Variants in AGBL4 observed in about 807,000 individuals in gnomAD.
AGBL4 encodes AGBL carboxypeptidase 4, also known as cytosolic carboxypeptidase 6.
AGBL4 carries 58 observed loss-of-function variants against 66.4 expected under a neutral mutation model. The ratio of observed to expected loss-of-function variants is 0.87; its 90% CI spans 0.71 to 1.09. The LOEUF (loss-of-function observed/expected upper bound fraction) is 1.09. Ranked by LOEUF, AGBL4 falls within the 50% of genes least tolerant of loss-of-function variation. The pLI is 0.00. For missense variants in AGBL4, 579 were observed against 631.0 expected, an observed-to-expected ratio of 0.92 and a Z score of 0.88; for synonymous variants, 234 against 222.9, an observed-to-expected ratio of 1.05 and a Z score of -0.44.
chr1:50,008,271 C>T (rs1243803407), intron 1 of AGBL4, among the ~76,000 whole-genome samples: 1 of 152,058 alleles, frequency 6.6e-6, no homozygotes, highest in Admixed American at 6.5e-5. Flanking sequence ...TATTAGGACA[C>T]AAAACAAGTC....
intron 4 of AGBL4, among the ~76,000 whole-genome samples, chr1:49,080,572 C>G (rs1644791613): frequency 6.6e-6 from 1 of 151,998 alleles, no homozygotes; most frequent in Non-Finnish European, 1.5e-5. Flanking sequence ...TGGATGTGCT[C>G]CATACAGGTC....
At chr1:49,028,611 A>G (rs996158248) in intron 5 of AGBL4, among the ~76,000 whole-genome samples, 1 of 152,178 alleles carries the variant, frequency 6.6e-6, no homozygotes. Context: ...AATTCCAATA[A>G]GATTAATAGC....
intron 11 of AGBL4, among the ~76,000 whole-genome samples, chr1:48,561,289 C>T (rs1005472689): frequency 2.0e-5 from 3 of 151,110 alleles, no homozygotes; most frequent in Non-Finnish European, 4.4e-5. Flanking sequence ...CTCTTCCTTC[C>T]TCTTCTCTCT....
At chr1:49,974,639 T>C (rs1272308865) in intron 1 of AGBL4, among the ~76,000 whole-genome samples, 1 of 152,158 alleles carries the variant, frequency 6.6e-6, no homozygotes, top group Non-Finnish European at 1.5e-5. Context: ...CTCAGGATGC[T>C]ATAGCATGTC....
At chr1:49,648,858 T>C (rs1269587343) in intron 3 of AGBL4, among the ~76,000 whole-genome samples, 1 of 151,934 alleles carries the variant, frequency 6.6e-6, no homozygotes, top group Non-Finnish European at 1.5e-5. Flanking sequence ...AAAGAAATTA[T>C]TTCAAGAGAA....
intron 3 of AGBL4, among the ~76,000 whole-genome samples, chr1:49,537,651 A>T (rs1167307): frequency 6.6e-6 from 1 of 152,064 alleles, no homozygotes; most frequent in Non-Finnish European, 1.5e-5. Flanking sequence ...CAGGCTGGGC[A>T]TGGTGGCTCA....
At chr1:49,845,481 T>G in intron 2 of AGBL4, 6 of 1,573,778 alleles carry the variant, frequency 3.8e-6, no homozygotes, top group Non-Finnish European at 5.2e-6. Context: ...GAATCCACAC[T>G]GGGGAGAAAC....
intron 1 of AGBL4, among the ~76,000 whole-genome samples, chr1:49,855,304 T>A (rs1325728650): frequency 6.6e-6 from 1 of 152,104 alleles, no homozygotes; most frequent in Non-Finnish European, 1.5e-5. Context: ...TAAACCCCAA[T>A]ACAATCATAG....
At chr1:49,433,745 T>C (rs976030733) in intron 3 of AGBL4, among the ~76,000 whole-genome samples, 2 of 152,182 alleles carry the variant, frequency 1.3e-5, no homozygotes, top group South Asian at 4.1e-4. Context: ...ATTTGGTATA[T>C]TGAAGCCTAA....
intron 6 of AGBL4, chr1:48,759,060 T>C (rs771604369): frequency 1.2e-6 from 2 of 1,613,660 alleles, no homozygotes; most frequent in Non-Finnish European, 1.7e-6. Context: ...GGCGCATCTC[T>C]TCCTGTTGCT....
chr1:49,130,453 C>T (rs975961476), intron 4 of AGBL4, among the ~76,000 whole-genome samples: 10 of 152,220 alleles, frequency 6.6e-5, no homozygotes, highest in Admixed American at 2.0e-4. Context: ...TTAGGTCTAA[C>T]GTTTAAGTCT....
chr1:49,321,382 C>T (rs1476308681), intron 3 of AGBL4, among the ~76,000 whole-genome samples: 3 of 151,968 alleles, frequency 2.0e-5, no homozygotes, highest in Non-Finnish European at 2.9e-5. Flanking sequence ...AATGAGATGC[C>T]CTTTTCTACT....
chr1:49,889,509 C>A (rs181838150), intron 1 of AGBL4, among the ~76,000 whole-genome samples: 6 of 152,146 alleles, frequency 3.9e-5, no homozygotes, highest in African/African-American at 1.4e-4. Context: ...ATAATCCCAG[C>A]TCTTTGGGAG....
chr1:49,349,602 T>G (rs564149417), intron 3 of AGBL4, among the ~76,000 whole-genome samples: 1 of 152,288 alleles, frequency 6.6e-6, no homozygotes, highest in African/African-American at 2.4e-5. Context: ...TTTGTAGCAC[T>G]TAACAGAATT....
At chr1:49,286,965 C>T (rs1340492129) in intron 3 of AGBL4, among the ~76,000 whole-genome samples, 3 of 152,106 alleles carry the variant, frequency 2.0e-5, no homozygotes, top group Non-Finnish European at 4.4e-5. Flanking sequence ...TCAAACTATA[C>T]TACAAGGCTA....
At chr1:49,285,770 G>C (rs1644391233) in intron 3 of AGBL4, among the ~76,000 whole-genome samples, 1 of 152,138 alleles carries the variant, frequency 6.6e-6, no homozygotes, top group Non-Finnish European at 1.5e-5. Context: ...AGAAAATCTA[G>C]AAGAAATGGA....
At chr1:49,354,716 A>C (rs1643983587) in intron 3 of AGBL4, among the ~76,000 whole-genome samples, 1 of 152,222 alleles carries the variant, frequency 6.6e-6, no homozygotes, top group Non-Finnish European at 1.5e-5. Flanking sequence ...AGTTGATATA[A>C]ATAAGAGTTA....
chr1:48,881,787 G>A (rs4439388), intron 5 of AGBL4, among the ~76,000 whole-genome samples: 148,613 of 152,216 alleles, frequency 0.98, 72,637 homozygotes, highest in East Asian at 1. Context: ...CCTCTTTCCA[G>A]TGGTTCCTCT....
At chr1:49,482,898 C>G (rs1646986285) in intron 3 of AGBL4, among the ~76,000 whole-genome samples, 1 of 152,026 alleles carries the variant, frequency 6.6e-6, no homozygotes, top group Non-Finnish European at 1.5e-5. Flanking sequence ...CATTCAGGAG[C>G]AGGTTATTCA....
Sources: gnomAD v4.1 joint callset for allele counts (sites outside exome capture counted in the v4.1 genomes callset) on GRCh38, gnomAD v4.1.1 for gene constraint, MANE v1.5 for transcripts, NCBI Gene and HGNC (gene_info 2026-07-23, HGNC 2026-07-21) for gene names.